Variants in SNX21 observed in about 807,000 individuals in gnomAD.
SNX21 encodes the protein sorting nexin-21.
SNX21 carries 36 observed loss-of-function variants against 30.9 expected under a neutral mutation model. The observed-to-expected ratio is 1.16, with a 90% confidence interval of 0.89 to 1.54. SNX21 has a LOEUF of 1.54. Among genes scored for constraint, SNX21 ranks in the 40% most tolerant of loss-of-function variants. The pLI is 0.00. For synonymous variants in SNX21, 218 were observed against 222.7 expected, an observed-to-expected ratio of 0.98 and a Z score of 0.19; for missense variants, 508 against 516.5, an observed-to-expected ratio of 0.98 and a Z score of 0.16.
rs748273035 is a variant in SNX21, at chr20:45,840,987, G to A, written c.796G>A (p.Ala266Thr). The A allele has an allele frequency of 4.3e-6, 7 of 1,610,358 alleles. No individual in the cohort carries two copies. The highest frequency in any genetic ancestry group is 5.1e-6 in the Non-Finnish European group (6 of 1,179,148). The change falls in exon 4 of 4, where the codon GCC becomes ACC. Residue 266 changes from alanine (A) to threonine (T), a missense_variant. Transcript: ENST00000491381. ...TGAGGCTCTGGCACTCTGGGCCAAT[G>A]CCTGGCAGCTGCAAGCCCAGCTGGG... Reference protein sequence around the residue: ...YREALALWANAWQLQAQLGTP... With the variant: ...YREALALWANTWQLQAQLGTP...
chr20:45,839,931 C>T (rs1366818303), intron 3 of SNX21, among the ~76,000 whole-genome samples: 1 of 151,990 alleles, frequency 6.6e-6, no homozygotes, highest in African/African-American at 2.4e-5. Flanking sequence ...AAAAGGGGAC[C>T]AACCTCCTGA....
rs576049587 is a variant in SNX21, at chr20:45,842,211, G to A, written c.*898G>A. 153 of 1,441,612 alleles carry A rather than the reference G, an allele frequency of 1.1e-4. 1 individual carries two copies. Among genetic ancestry groups the A allele is most frequent in the South Asian group, 3.5e-4 (24 of 69,452 alleles). The allele number at this position is 1,441,612 out of a possible 1,614,324, so 89.3% of individuals were successfully genotyped here. A position where few individuals can be genotyped will look rare whatever the true frequency, so the allele number is the denominator to read the frequency against. On this transcript the variant is annotated 3_prime_UTR_variant, in exon 4 of 4. Coordinates refer to ENST00000491381, the MANE Select transcript of SNX21 (RefSeq NM_033421.4). ...CCCACACAAGGGTGCACTGAGTGTC[G>A]TGGCTGCTCCAAATGCCCCTTCATG...
rs927641951 is a variant in SNX21 at position 45,841,701 on chromosome 20, G to T, written c.*388G>T. On this transcript the variant is annotated 3_prime_UTR_variant, in exon 4 of 4. Transcript: ENST00000491381. Reference sequence around the variant, plus strand: ...AGGCAAGGCTGCAGGTCTGGCCCAGGGGAATTAAAAGCCAGCCACTCCAGT... The same window carrying T: ...AGGCAAGGCTGCAGGTCTGGCCCAGTGGAATTAAAAGCCAGCCACTCCAGT... 8 of 1,432,654 alleles carry T rather than the reference G, an allele frequency of 5.6e-6. No homozygotes were observed. In the Admixed American group the frequency reaches 2.0e-4, roughly 37 times the overall value. 88.7% of individuals were successfully genotyped at this position (1,432,654 alleles called of 1,614,324 possible). A position where few individuals can be genotyped will look rare whatever the true frequency, so the allele number is the denominator to read the frequency against.
chr20:45,839,212 T>C (rs1005570515), intron 3 of SNX21, among the ~76,000 whole-genome samples: 15 of 152,114 alleles, frequency 9.9e-5, no homozygotes, highest in Non-Finnish European at 2.1e-4. Flanking sequence ...GAAGTCCTTT[T>C]TTTAAAACCA....
At chr20:45,838,915 A>G (rs142078810) in intron 3 of SNX21, among the ~76,000 whole-genome samples, 2,014 of 143,842 alleles carry the variant, frequency 0.014, 38 homozygotes, top group African/African-American at 0.049. Context: ...TTTTTTTGAG[A>G]GAGAGTTTCA....
chr20:45,841,104 T>C lies in SNX21; in HGVS notation c.913T>C (p.Cys305Arg), dbSNP rs746337669. ...GGAAGACCCTGGAGAGGCCCGGGCATGCTGTGAGAAGGCCCTGCAGCTGCT... is the reference window on the plus strand; with the variant it reads ...GGAAGACCCTGGAGAGGCCCGGGCACGCTGTGAGAAGGCCCTGCAGCTGCT... ...ELEDPGEARACCEKALQLLGD... is the reference protein window; with the variant it reads ...ELEDPGEARARCEKALQLLGD... The change falls in exon 4 of 4, where the codon TGC becomes CGC. Residue 305 changes from cysteine to arginine, a missense_variant. By Grantham distance (180) the Cys-to-Arg change is radical. Transcript: ENST00000491381. 1.9e-6 allele frequency: 3 copies of C among 1,609,916 alleles called. No homozygotes were observed. The highest frequency in any genetic ancestry group is 2.7e-5 in the African/African-American group (2 of 74,800).
Position 45,833,877 on chromosome 20 carries a change from C to T in SNX21, c.-43C>T, listed in dbSNP as rs551420762. Reference sequence around the variant, plus strand: ...GAACCCGGCCGACCTCCATGGGCTGCGGGGGGCTGCACCCGGACCCCTGGG... The same window carrying T: ...GAACCCGGCCGACCTCCATGGGCTGTGGGGGGCTGCACCCGGACCCCTGGG... On this transcript the variant is annotated 5_prime_UTR_variant, in exon 1 of 4. Coordinates refer to ENST00000491381, the MANE Select transcript of SNX21 (RefSeq NM_033421.4). The T allele has an allele frequency of 3.7e-6, 5 of 1,336,700 alleles. No individual in the cohort carries two copies. The highest frequency in any genetic ancestry group is 3.9e-5 in the Admixed American group (1 of 25,488). The allele number at this position is 1,336,700 out of a possible 1,614,324, so 82.8% of individuals were successfully genotyped here. A position where few individuals can be genotyped will look rare whatever the true frequency, so the allele number is the denominator to read the frequency against.
intron 2 of SNX21, 87 bp from the exon 3 acceptor site, chr20:45,834,870 TCA>T: frequency 1.3e-6 from 2 of 1,499,214 alleles, no homozygotes; most frequent in Admixed American, 2.1e-5. Flanking sequence ...AAGTCCTGCC[TCA>T]CACTGGGAGG....
rs1452886855 is a variant in SNX21, at chr20:45,841,819, G to C, written c.*506G>C. The C allele has an allele frequency of 6.3e-7, 1 of 1,583,522 alleles. No individual in the cohort carries two copies. Among genetic ancestry groups the C allele is most frequent in the Non-Finnish European group, 8.6e-7 (1 of 1,169,078 alleles). On this transcript the variant is annotated 3_prime_UTR_variant, in exon 4 of 4. Coordinates refer to ENST00000491381, the MANE Select transcript of SNX21 (RefSeq NM_033421.4). ...AGATGGGAGGTTCTTGAAGCCCCAG[G>C]CGAAGCTGGTACCTCTGGCTACAGC...
Position 45,840,916 on chromosome 20 carries a change from C to A in SNX21, c.725C>A (p.Pro242Gln). ...APDLQDFFVL[P>Q]ELRRAQSLTC... is the part of the protein sequence containing the mutation. Reference sequence around the variant, plus strand: ...GACCTGCAGGACTTCTTCGTGCTGCCGGAGCTGCGGCGGGCACAGAGCCTC... The same window carrying A: ...GACCTGCAGGACTTCTTCGTGCTGCAGGAGCTGCGGCGGGCACAGAGCCTC... The change falls in exon 4 of 4, where the codon CCG becomes CAG. Residue 242 changes from proline (P) to glutamine (Q), a missense_variant. Physicochemically the swap from Pro to Gln is moderately conservative, Grantham distance 76 (BLOSUM62 -1). Coordinates refer to ENST00000491381, the MANE Select transcript of SNX21 (RefSeq NM_033421.4). 1 of 1,612,406 alleles carries A rather than the reference C, an allele frequency of 6.2e-7. No individual in the cohort carries two copies. Among genetic ancestry groups the A allele is most frequent in the East Asian group, 2.2e-5 (1 of 44,868 alleles).
rs1601082004 is a variant in SNX21, at chr20:45,841,456, C to G, written c.*143C>G. Reference sequence around the variant, plus strand: ...TTCCAAAAGAGAATGTGAAGCAGATCAAGGAAACTTCTGTTGAGCTAGGCT... The same window carrying G: ...TTCCAAAAGAGAATGTGAAGCAGATGAAGGAAACTTCTGTTGAGCTAGGCT... On this transcript the variant is annotated 3_prime_UTR_variant, in exon 4 of 4. Coordinates refer to ENST00000491381, the MANE Select transcript of SNX21 (RefSeq NM_033421.4). 7.0e-7 allele frequency: 1 copy of G among 1,425,474 alleles called. No homozygotes were observed. The highest frequency in any genetic ancestry group is 2.6e-5 in the East Asian group (1 of 39,008). The allele number at this position is 1,425,474 out of a possible 1,614,324, so 88.3% of individuals were successfully genotyped here. A position where few individuals can be genotyped will look rare whatever the true frequency, so the allele number is the denominator to read the frequency against.
chr20:45,835,865 T>A (rs1352429504), intron 3 of SNX21, among the ~76,000 whole-genome samples: 3 of 152,212 alleles, frequency 2.0e-5, no homozygotes, highest in Non-Finnish European at 2.9e-5. Context: ...GGGGAGGACC[T>A]TGGAGTCCCT....
At chr20:45,838,347 T>C (rs112787447) in intron 3 of SNX21, 6,198 of 152,154 alleles carry the variant, frequency 0.041, 175 homozygotes, top group African/African-American at 0.077. Flanking sequence ...CCTCCCAAAG[T>C]ACTGGGATTA....
chr20:45,836,040 C>T (rs1346578589), intron 3 of SNX21, among the ~76,000 whole-genome samples: 1 of 152,228 alleles, frequency 6.6e-6, no homozygotes, highest in Non-Finnish European at 1.5e-5. Context: ...CCCTCCTCTT[C>T]ACCACCCTTC....
At chr20:45,834,051 C>A (rs2145732986) in intron 1 of SNX21, 111 bp downstream of exon 1, 3 of 1,411,452 alleles carry the variant, frequency 2.1e-6, no homozygotes, top group East Asian at 2.7e-5. Context: ...CTGGCTGGGT[C>A]CCCTGGTTCG....
chr20:45,833,890 C>A lies in SNX21; in HGVS notation c.-30C>A. ...CTCCATGGGCTGCGGGGGGCTGCAC[C>A]CGGACCCCTGGGGCGCGGCGCGCCC... On this transcript the variant is annotated 5_prime_UTR_variant, in exon 1 of 4. Transcript: ENST00000491381. The A allele has an allele frequency of 7.3e-7, 1 of 1,365,350 alleles. No homozygotes were observed. 84.6% of individuals were successfully genotyped at this position (1,365,350 alleles called of 1,614,324 possible).
At chr20:45,834,039 T>C (rs1983248053) in intron 1 of SNX21, 99 bp downstream of exon 1, 2 of 1,417,042 alleles carry the variant, frequency 1.4e-6, no homozygotes, top group East Asian at 2.7e-5. Flanking sequence ...GGGAAAGCGA[T>C]GCTGGCTGGG....
chr20:45,841,836 G>A lies in SNX21; in HGVS notation c.*523G>A, dbSNP rs750615669. ...AGCCCCAGGCGAAGCTGGTACCTCT[G>A]GCTACAGCTTGCTCTCTGAGACCTG... On this transcript the variant is annotated 3_prime_UTR_variant, in exon 4 of 4. Coordinates refer to ENST00000491381, the MANE Select transcript of SNX21 (RefSeq NM_033421.4). 6.2e-7 allele frequency: 1 copy of A among 1,601,568 alleles called. No homozygotes were observed. Among genetic ancestry groups the A allele is most frequent in the South Asian group, 1.1e-5 (1 of 89,708 alleles).
chr20:45,839,316 C>T (rs879908936), intron 3 of SNX21, among the ~76,000 whole-genome samples: 3 of 152,028 alleles, frequency 2.0e-5, no homozygotes, highest in Admixed American at 6.6e-5. Context: ...GAGATCGAGA[C>T]CATCCTGGCT....
Sources: gnomAD v4.1 joint callset for allele counts (sites outside exome capture counted in the v4.1 genomes callset) on GRCh38, gnomAD v4.1.1 for gene constraint, MANE v1.5 for transcripts, NCBI Gene and HGNC (gene_info 2026-07-23, HGNC 2026-07-21) for gene names.